TNS3: variants seen among roughly 807,000 people sequenced by gnomAD.
TNS3 encodes tensin 3, also known as tensin-3.
Under a neutral mutation model 140.9 loss-of-function variants are expected in TNS3, and 45 were observed. That is an observed-to-expected ratio of 0.32 (90% CI 0.25 to 0.41). TNS3 has a LOEUF of 0.41. Ranked by LOEUF, TNS3 falls within the 10% of genes least tolerant of loss-of-function variation. The pLI, the probability that TNS3 is intolerant of heterozygous loss-of-function variation, is 1.00. For synonymous variants in TNS3, 815 were observed against 788.4 expected (o/e 1.03, Z -0.56); for missense variants, 1,716 against 1,906.7 (o/e 0.90, Z 1.86).
chr7:47,313,195 T>G (rs905824169), intron 20 of TNS3, among the ~76,000 whole-genome samples: 7 of 152,184 alleles, frequency 4.6e-5, no homozygotes, highest in African/African-American at 1.4e-4. Flanking sequence ...ATGGGTGGCA[T>G]GCATTCTGAC....
chr7:47,476,369 G>A (rs776505006), intron 4 of TNS3, among the ~76,000 whole-genome samples: 3 of 152,178 alleles, frequency 2.0e-5, no homozygotes, highest in Non-Finnish European at 4.4e-5. Context: ...ACACATACAC[G>A]TAGACTTACA....
chr7:47,295,124 C>A (rs1008432545), intron 24 of TNS3, among the ~76,000 whole-genome samples: 8 of 152,088 alleles, frequency 5.3e-5, no homozygotes, highest in African/African-American at 1.7e-4. Context: ...AAGATTTCAC[C>A]CAGAGGCCAC....
intron 20 of TNS3, among the ~76,000 whole-genome samples, chr7:47,305,890 G>A (rs975359346): frequency 6.6e-6 from 1 of 151,964 alleles, no homozygotes; most frequent in African/African-American, 2.4e-5. Flanking sequence ...AAACTAATGA[G>A]GATTGATAAG....
chr7:47,567,030 C>CAAAAAAAA (rs541987899), intron 1 of TNS3, among the ~76,000 whole-genome samples: 2 of 98,726 alleles, frequency 2.0e-5, no homozygotes, highest in African/African-American at 4.0e-5. Context: ...GACTCCATCT[C>CAAAAAAAA]AAAAAAAAAA....
chr7:47,536,550 G>A (rs547170420), intron 1 of TNS3, among the ~76,000 whole-genome samples: 8 of 152,298 alleles, frequency 5.3e-5, no homozygotes, highest in African/African-American at 1.9e-4. Context: ...AACACGCGAG[G>A]GATAGCAGGT....
chr7:47,323,064 C>T (rs1330560353), intron 20 of TNS3, among the ~76,000 whole-genome samples: 1 of 152,182 alleles, frequency 6.6e-6, no homozygotes, highest in Non-Finnish European at 1.5e-5. Flanking sequence ...CACCCTGGGC[C>T]GACCATGCAG....
chr7:47,368,829 T>G lies in TNS3; in HGVS notation c.1817A>C (p.Asp606Ala), dbSNP rs73326532. The change falls in exon 17 of 31, where the codon GAT becomes GCT. Residue 606 changes from aspartate to alanine, a missense_variant. By Grantham distance (126) the Asp-to-Ala change is moderately radical (BLOSUM62 -2). This residue lies in a region of TNS3 where 1,163 missense variants were observed against 1,182.1 expected (regional missense o/e 0.98). Coordinates refer to ENST00000311160, the MANE Select transcript of TNS3 (RefSeq NM_022748.12). ...VVAHQYSFAP[D>A]GEARLVSRCP... ...GCGGCTCACCAGCCGGGCCTCCCCATCTGGGGCGAAGCTATACTGGTGAGC... is the reference window on the plus strand; with the variant it reads ...GCGGCTCACCAGCCGGGCCTCCCCAGCTGGGGCGAAGCTATACTGGTGAGC... 7 of 1,612,756 alleles carry G rather than the reference T, an allele frequency of 4.3e-6. No individual in the cohort carries two copies. In the Admixed American group the frequency reaches 6.7e-5, roughly 15 times the overall value.
At chr7:47,330,858 T>A (rs1788296198) in intron 20 of TNS3, among the ~76,000 whole-genome samples, 1 of 151,736 alleles carries the variant, frequency 6.6e-6, no homozygotes, top group Non-Finnish European at 1.5e-5. Context: ...TGGATGGAAT[T>A]CTCCCTTAAC....
intron 1 of TNS3, among the ~76,000 whole-genome samples, chr7:47,540,213 GAGGTTCTTCCCAGGAACAAAACA>G (rs1562843826): frequency 4.6e-5 from 7 of 151,914 alleles, no homozygotes; most frequent in Non-Finnish European, 7.4e-5. Context: ...GGAACAAAAT[GAGGTTCTTCCCAGGAACAAAACA>G]AGGTTCTTCC....
At chr7:47,344,681 C>T in intron 20 of TNS3, 74 bp downstream of exon 20, 1 of 1,344,580 alleles carries the variant, frequency 7.4e-7, no homozygotes, top group Non-Finnish European at 1.0e-6. Flanking sequence ...ACGAGTTCTT[C>T]TCTGTAAAAA....
chr7:47,302,917 G>C, intron 22 of TNS3, 33 bp downstream of exon 22: 9 of 1,565,386 alleles, frequency 5.7e-6, no homozygotes, highest in Non-Finnish European at 7.8e-6. Flanking sequence ...AATGGACAGA[G>C]GGGCCCTTCC....
intron 3 of TNS3, among the ~76,000 whole-genome samples, chr7:47,485,567 C>T (rs530690720): frequency 1.3e-5 from 2 of 152,294 alleles, no homozygotes; most frequent in African/African-American, 4.8e-5. Flanking sequence ...GAGCAGCTCC[C>T]GTTAGCAGCT....
intron 24 of TNS3, among the ~76,000 whole-genome samples, chr7:47,294,205 GAA>G (rs1785875861): frequency 6.6e-6 from 1 of 152,204 alleles, no homozygotes; most frequent in Non-Finnish European, 1.5e-5. Flanking sequence ...GGAGAGGTGA[GAA>G]AGGCTCAGAC....
chr7:47,295,524 G>A (rs1785959154), intron 24 of TNS3, among the ~76,000 whole-genome samples: 1 of 152,164 alleles, frequency 6.6e-6, no homozygotes, highest in South Asian at 2.1e-4. Context: ...CTCAGAAATA[G>A]CATCGTGTTG....
chr7:47,389,042 G>T (rs1792279017), intron 16 of TNS3, among the ~76,000 whole-genome samples: 1 of 39,314 alleles, frequency 2.5e-5, no homozygotes, highest in Non-Finnish European at 4.5e-5. Context: ...AGAAGAAGAA[G>T]AAGAAGAAGA....
Position 47,481,120 on chromosome 7 carries a change from G to GCACAC in TNS3, c.-98_-94dup. 7.8e-7 allele frequency: 1 copy of GCACAC among 1,289,820 alleles called. No individual in the cohort carries two copies. The highest frequency in any genetic ancestry group is 1.0e-6 in the Non-Finnish European group (1 of 988,880). The allele number at this position is 1,289,820 out of a possible 1,614,324, so 79.9% of individuals were successfully genotyped here. ...GGGCTTACCTGTTCCAGTCGGACTT[G>GCACAC]CACACCGCAGGGAATCACCACCTTT... On this transcript the variant is annotated 5_prime_UTR_variant, in exon 4 of 31. Transcript: ENST00000311160.
chr7:47,567,599 G>A (rs1416987082), intron 1 of TNS3, among the ~76,000 whole-genome samples: 2 of 151,110 alleles, frequency 1.3e-5, no homozygotes, highest in Non-Finnish European at 2.9e-5. Flanking sequence ...CAGACGAATG[G>A]AGTGAAGCTG....
intron 16 of TNS3, among the ~76,000 whole-genome samples, chr7:47,371,230 T>C (rs1271443863): frequency 6.6e-6 from 1 of 152,178 alleles, no homozygotes; most frequent in East Asian, 1.9e-4. Flanking sequence ...ACATATGCCA[T>C]GGGATTAATT....
chr7:47,476,204 A>T (rs1225794127), intron 4 of TNS3, among the ~76,000 whole-genome samples: 1 of 152,116 alleles, frequency 6.6e-6, no homozygotes, highest in Non-Finnish European at 1.5e-5. Context: ...CATTTTACAG[A>T]AGAGGAAAGT....
Sources: allele counts gnomAD v4.1 joint callset (sites outside exome capture counted in the v4.1 genomes callset), GRCh38; gene constraint gnomAD v4.1.1; regional missense constraint gnomAD v4.1.1; transcripts MANE v1.5; gene names NCBI Gene and HGNC (gene_info 2026-07-23, HGNC 2026-07-21).